PBX3: variants seen among roughly 807,000 people sequenced by gnomAD.
PBX3 encodes the protein PBX homeobox 3.
PBX3 carries 14 observed loss-of-function variants against 48.5 expected under a neutral mutation model. The observed-to-expected ratio is 0.29, with a 90% CI of 0.19 to 0.45. The LOEUF is 0.45. Ranked by LOEUF, PBX3 falls within the 20% of genes least tolerant of loss-of-function variation. PBX3 has a pLI of 1.00. For missense variants in PBX3, 386 were observed against 546.7 expected (o/e 0.71, Z 2.93); for synonymous variants, 210 against 200.3 (o/e 1.05, Z -0.41).
chr9:125,855,946 T>G (rs1030877840), intron 2 of PBX3, among the ~76,000 whole-genome samples: 7 of 152,160 alleles, frequency 4.6e-5, no homozygotes, highest in African/African-American at 1.7e-4. Context: ...ACTCTATCTT[T>G]GGAGGTTTAA....
At chr9:125,834,912 G>T (rs934718559) in intron 2 of PBX3, among the ~76,000 whole-genome samples, 5 of 147,828 alleles carry the variant, frequency 3.4e-5, no homozygotes, top group African/African-American at 1.2e-4. Context: ...AGCTATTCAG[G>T]AGGCTGAGGC....
chr9:125,841,565 G>A (rs1321896463), intron 2 of PBX3, among the ~76,000 whole-genome samples: 2 of 152,120 alleles, frequency 1.3e-5, no homozygotes, highest in African/African-American at 2.4e-5. Context: ...CTGGAGTGTT[G>A]TCTTACCCCA....
chr9:125,930,067 A>G (rs180943573), intron 4 of PBX3, among the ~76,000 whole-genome samples: 38 of 152,354 alleles, frequency 2.5e-4, no homozygotes, highest in Non-Finnish European at 5.0e-4. Context: ...GGAAATGAAT[A>G]GGATTAGTGT....
intron 2 of PBX3, among the ~76,000 whole-genome samples, chr9:125,782,536 A>G (rs1837349864): frequency 6.6e-6 from 1 of 152,186 alleles, no homozygotes; most frequent in South Asian, 2.1e-4. Flanking sequence ...AAATAGCCAT[A>G]ATTGTTTTAT....
intron 3 of PBX3, among the ~76,000 whole-genome samples, chr9:125,926,650 C>G (rs10987041): frequency 0.022 from 3,307 of 151,490 alleles, 181 homozygotes; most frequent in East Asian, 0.18. Flanking sequence ...AACCCCATCT[C>G]TACTAAAAAT....
intron 2 of PBX3, among the ~76,000 whole-genome samples, chr9:125,791,861 G>T (rs1292077130): frequency 6.6e-6 from 1 of 151,742 alleles, no homozygotes; most frequent in East Asian, 1.9e-4. Context: ...GCGTGAACCC[G>T]GGAGGCAGAG....
At chr9:125,819,698 T>C (rs913849963) in intron 2 of PBX3, among the ~76,000 whole-genome samples, 2 of 152,174 alleles carry the variant, frequency 1.3e-5, no homozygotes, top group Admixed American at 6.5e-5. Context: ...AGTGTACATA[T>C]ATATCCAGTG....
chr9:125,910,505 T>C (rs1841178553), intron 2 of PBX3, among the ~76,000 whole-genome samples: 1 of 151,976 alleles, frequency 6.6e-6, no homozygotes, highest in East Asian at 1.9e-4. Flanking sequence ...GCATTTTTCC[T>C]CAATAGAGAA....
intron 2 of PBX3, among the ~76,000 whole-genome samples, chr9:125,817,956 A>G (rs1838515845): frequency 6.6e-6 from 1 of 152,184 alleles, no homozygotes; most frequent in South Asian, 2.1e-4. Flanking sequence ...TAATCCCAGC[A>G]CTTTGGGAGG....
intron 2 of PBX3, among the ~76,000 whole-genome samples, chr9:125,889,868 C>T (rs1377441389): frequency 6.8e-6 from 1 of 147,932 alleles, no homozygotes; most frequent in Non-Finnish European, 1.5e-5. Context: ...GCGCGCCCGA[C>T]GCCCGCCCGC....
chr9:125,818,419 C>T (rs1440930828), intron 2 of PBX3, among the ~76,000 whole-genome samples: 2 of 151,972 alleles, frequency 1.3e-5, no homozygotes, highest in Non-Finnish European at 2.9e-5. Flanking sequence ...ACTACAGCCT[C>T]TGCCTCCTGG....
chr9:125,781,416 C>T (rs373691654), intron 2 of PBX3, among the ~76,000 whole-genome samples: 5 of 151,366 alleles, frequency 3.3e-5, no homozygotes, highest in Non-Finnish European at 4.4e-5. Flanking sequence ...GGCACTCGGC[C>T]GGCTGAGGCA....
chr9:125,919,788 T>C (rs1841417943), intron 3 of PBX3, among the ~76,000 whole-genome samples: 2 of 152,180 alleles, frequency 1.3e-5, no homozygotes, highest in Admixed American at 1.3e-4. Flanking sequence ...ACCACTGCAG[T>C]AAATTAAAGT....
chr9:125,923,831 G>T (rs1477788651), intron 3 of PBX3, among the ~76,000 whole-genome samples: 1 of 150,114 alleles, frequency 6.7e-6, no homozygotes, highest in Non-Finnish European at 1.5e-5. Flanking sequence ...CTCTTGAAGG[G>T]CTGGGATTAC....
chr9:125,888,785 G>T (rs1432984852), intron 2 of PBX3, among the ~76,000 whole-genome samples: 1 of 151,930 alleles, frequency 6.6e-6, no homozygotes, highest in Non-Finnish European at 1.5e-5. Flanking sequence ...AATTTTTATG[G>T]CAGGCCAATA....
At chr9:125,811,381 T>C (rs1011144988) in intron 2 of PBX3, among the ~76,000 whole-genome samples, 1 of 152,178 alleles carries the variant, frequency 6.6e-6, no homozygotes, top group Admixed American at 6.5e-5. Flanking sequence ...TGTAATAATC[T>C]CCATGTGTCA....
chr9:125,883,527 T>C (rs949631398), intron 2 of PBX3, among the ~76,000 whole-genome samples: 1 of 152,216 alleles, frequency 6.6e-6, no homozygotes, highest in African/African-American at 2.4e-5. Flanking sequence ...GCTATGACTT[T>C]TTTACACCAA....
intron 2 of PBX3, among the ~76,000 whole-genome samples, chr9:125,907,857 T>A (rs541653025): frequency 1.1e-4 from 17 of 152,262 alleles, no homozygotes; most frequent in African/African-American, 3.9e-4. Flanking sequence ...CATGTGATCT[T>A]GGGCTCTAAA....
At chr9:125,780,216 C>T (rs560087751) in intron 2 of PBX3, among the ~76,000 whole-genome samples, 3,131 of 130,752 alleles carry the variant, frequency 0.024, 51 homozygotes, top group Middle Eastern at 0.04. Context: ...CCCTCCCGGA[C>T]GGGTCGGCTG....
Sources: allele counts gnomAD v4.1 joint callset (sites outside exome capture counted in the v4.1 genomes callset), GRCh38; gene constraint gnomAD v4.1.1; transcripts MANE v1.5; gene names NCBI Gene and HGNC (gene_info 2026-07-23, HGNC 2026-07-21).